The following CLDN10 variants were observed in gnomAD, a reference collection of about 807,000 sequenced individuals.
CLDN10 encodes the protein claudin-10.
CLDN10 carries 15 observed loss-of-function variants against 22.9 expected under a neutral mutation model. The observed-to-expected ratio is 0.65, with a 90% confidence interval of 0.44 to 1.01. The LOEUF (loss-of-function observed/expected upper bound fraction) is 1.01, where lower values mean the gene tolerates loss of function less well. Among genes scored for constraint, CLDN10 ranks in the 50% least tolerant of loss-of-function variants. The pLI, the probability that CLDN10 is intolerant of heterozygous loss-of-function variation, is 0.00. For synonymous variants in CLDN10, 114 were observed against 111.4 expected, an observed-to-expected ratio of 1.02 and a Z score of -0.15; for missense variants, 247 against 287.8, an observed-to-expected ratio of 0.86 and a Z score of 1.03.
intron 1 of CLDN10, among the ~76,000 whole-genome samples, chr13:95,498,911 C>T (rs539229519): frequency 9.2e-5 from 14 of 152,320 alleles, no homozygotes; most frequent in East Asian, 7.7e-4. Context: ...GGGCAACCAC[C>T]GTTCTATTTT....
chr13:95,552,022 A>T (rs2043571510), upstream of CLDN10, among the ~76,000 whole-genome samples: 1 of 152,266 alleles, frequency 6.6e-6, no homozygotes, highest in African/African-American at 2.4e-5. Flanking sequence ...GTAGTGCATT[A>T]GTATGAGTAC....
In CLDN10 at chr13:95,577,267, AG is replaced by A; in HGVS notation, c.503del (p.Gly168GlufsTer6). 1 of 1,614,192 alleles carries A rather than the reference AG, an allele frequency of 6.2e-7. No homozygotes were observed. Among genetic ancestry groups the A allele is most frequent in the Non-Finnish European group, 8.5e-7 (1 of 1,180,002 alleles). ...GAGCCGCTCTGTTTATTGGATGGGC[AG>A]GAGCCTCACTGTGCATAATTGGTGG... is the stretch of plus-strand genomic sequence containing the variant. ...LGAALFIGWA[G>X]ASLCIIGGVI... On this transcript the variant is annotated frameshift_variant, in exon 4 of 5. Transcript: ENST00000299339. LOFTEE classifies it high-confidence loss of function.
chr13:95,502,509 T>A (rs1372962552), intron 1 of CLDN10, among the ~76,000 whole-genome samples: 3 of 151,230 alleles, frequency 2.0e-5, no homozygotes, highest in African/African-American at 7.3e-5. Flanking sequence ...TGTTGTTGTG[T>A]TTTGTTTTGT....
chr13:95,570,758 C>G (rs533508051), intron 3 of CLDN10, among the ~76,000 whole-genome samples: 1 of 149,548 alleles, frequency 6.7e-6, no homozygotes, highest in African/African-American at 2.5e-5. Flanking sequence ...GAGATATTGG[C>G]CCAAAGATAT....
At chr13:95,451,678 A>C (rs2042432842) in intron 1 of CLDN10, among the ~76,000 whole-genome samples, 1 of 152,196 alleles carries the variant, frequency 6.6e-6, no homozygotes, top group Non-Finnish European at 1.5e-5. Context: ...ACTGCATTAT[A>C]AGCCTTATGA....
At chr13:95,574,187 A>T (rs751991261) in intron 3 of CLDN10, among the ~76,000 whole-genome samples, 3 of 152,200 alleles carry the variant, frequency 2.0e-5, no homozygotes, top group Non-Finnish European at 4.4e-5. Flanking sequence ...ACATATGAAC[A>T]CATGTCAATT....
intron 1 of CLDN10, among the ~76,000 whole-genome samples, chr13:95,534,226 C>A (rs1448697778): frequency 2.0e-5 from 3 of 152,078 alleles, no homozygotes; most frequent in Non-Finnish European, 4.4e-5. Context: ...CATATGAAAA[C>A]ACACAGAAAG....
At chr13:95,450,915 C>T (rs184962798) in intron 1 of CLDN10, among the ~76,000 whole-genome samples, 5 of 152,364 alleles carry the variant, frequency 3.3e-5, no homozygotes, top group East Asian at 1.9e-4. Flanking sequence ...TGTTCAGCTG[C>T]GTTGAGAGCA....
chr13:95,458,287 TG>T (rs2042501924), intron 1 of CLDN10, among the ~76,000 whole-genome samples: 1 of 152,138 alleles, frequency 6.6e-6, no homozygotes, highest in Non-Finnish European at 1.5e-5. Context: ...TTGTTGTTCT[TG>T]TTGTTTTGTT....
intron 1 of CLDN10, among the ~76,000 whole-genome samples, chr13:95,488,102 A>G (rs1165761263): frequency 1.3e-5 from 2 of 151,614 alleles, no homozygotes; most frequent in Admixed American, 1.3e-4. Context: ...TCTCTACCTC[A>G]GCCTCCCAAG....
At chr13:95,436,516 T>C (rs1458522199) in intron 1 of CLDN10, among the ~76,000 whole-genome samples, 1 of 152,204 alleles carries the variant, frequency 6.6e-6, no homozygotes, top group Non-Finnish European at 1.5e-5. Context: ...CTTTGTTTAT[T>C]GATTGTAAAA....
At chr13:95,515,080 A>T (rs143071225) in intron 1 of CLDN10, among the ~76,000 whole-genome samples, 1 of 152,212 alleles carries the variant, frequency 6.6e-6, no homozygotes, top group African/African-American at 2.4e-5. Context: ...ATCATAGCAC[A>T]CTATAGCCTT....
chr13:95,494,496 A>G (rs2042907696), intron 1 of CLDN10, among the ~76,000 whole-genome samples: 1 of 152,232 alleles, frequency 6.6e-6, no homozygotes, highest in Non-Finnish European at 1.5e-5. Flanking sequence ...TAAGGAGAAC[A>G]TGGAAAACGT....
At chr13:95,551,617 G>A (rs983440191), upstream of CLDN10, among the ~76,000 whole-genome samples, 5 of 152,190 alleles carry the variant, frequency 3.3e-5, no homozygotes, top group African/African-American at 1.2e-4. Flanking sequence ...GGGTTAGCAC[G>A]AGATTTATCA....
intron 1 of CLDN10, among the ~76,000 whole-genome samples, chr13:95,467,340 C>T (rs557586344): frequency 6.6e-6 from 1 of 152,002 alleles, no homozygotes; most frequent in African/African-American, 2.4e-5. Context: ...CAAAAAAAAT[C>T]AACAATATTT....
chr13:95,473,423 G>A (rs2042655460), intron 1 of CLDN10, among the ~76,000 whole-genome samples: 1 of 152,228 alleles, frequency 6.6e-6, no homozygotes, highest in Non-Finnish European at 1.5e-5. Context: ...AACAAGGGCT[G>A]AGGAAGAGAT....
At chr13:95,490,383 T>C (rs1312601637) in intron 1 of CLDN10, among the ~76,000 whole-genome samples, 1 of 152,230 alleles carries the variant, frequency 6.6e-6, no homozygotes, top group African/African-American at 2.4e-5. Context: ...TTGTGTCATC[T>C]ATGACTTCTT....
At chr13:95,471,128 A>G (rs2042627077) in intron 1 of CLDN10, among the ~76,000 whole-genome samples, 1 of 152,056 alleles carries the variant, frequency 6.6e-6, no homozygotes, top group African/African-American at 2.4e-5. Context: ...TTTCACTGTG[A>G]CCTGAAGGAA....
chr13:95,542,985 A>C (rs566934748), intron 1 of CLDN10, among the ~76,000 whole-genome samples: 1 of 151,460 alleles, frequency 6.6e-6, no homozygotes, highest in African/African-American at 2.4e-5. Context: ...TAATCCCAGC[A>C]CTTTGGGAGG....
Sources: allele counts gnomAD v4.1 joint callset (sites outside exome capture counted in the v4.1 genomes callset), GRCh38; gene constraint gnomAD v4.1.1; transcripts MANE v1.5; gene names NCBI Gene and HGNC (gene_info 2026-07-23, HGNC 2026-07-21).